Variants in EPHA5 observed in about 807,000 individuals in gnomAD.
The protein encoded by EPHA5 is EPH receptor A5.
A neutral mutation model predicts 105.0 loss-of-function variants in EPHA5; 60 were observed. That is an observed-to-expected ratio of 0.57 (90% CI 0.46 to 0.71). EPHA5 has a LOEUF of 0.71. Among genes scored for constraint, EPHA5 ranks in the 30% least tolerant of loss-of-function variants. The pLI, the probability that EPHA5 is intolerant of heterozygous loss-of-function variation, is 0.00. For synonymous variants in EPHA5, 513 were observed against 449.1 expected, an observed-to-expected ratio of 1.14 and a Z score of -1.80; for missense variants, 1,218 against 1,274.7, an observed-to-expected ratio of 0.96 and a Z score of 0.68.
At chr4:65,473,481 CAGA>C (rs1729489440) in intron 5 of EPHA5, among the ~76,000 whole-genome samples, 1 of 152,106 alleles carries the variant, frequency 6.6e-6, no homozygotes, top group African/African-American at 2.4e-5. Flanking sequence ...ACAATTTTGG[CAGA>C]AGAAGAAACA....
intron 4 of EPHA5, among the ~76,000 whole-genome samples, chr4:65,492,465 G>C (rs1388640295): frequency 6.8e-6 from 1 of 146,240 alleles, no homozygotes; most frequent in Non-Finnish European, 1.5e-5. Flanking sequence ...GCCTCCCACA[G>C]TGCTGAGATT....
chr4:65,645,471 C>A lies in EPHA5; in HGVS notation c.182-2044G>T. Among the ~76,000 whole-genome samples, 2 of 152,046 alleles carry A rather than the reference C, an allele frequency of 1.3e-5. 1 individual carries two copies. The highest frequency in any genetic ancestry group is 4.1e-4 in the South Asian group (2 of 4,824). ...CATAGGAATTCCAGGAATTCATAAC[C>A]AGCCTACCATGAGAAACACAGCATT... On this transcript the variant is annotated intron_variant, in intron 1 of 16. Transcript: ENST00000613740.
At chr4:65,473,021 A>G (rs1729441336) in intron 5 of EPHA5, among the ~76,000 whole-genome samples, 1 of 152,130 alleles carries the variant, frequency 6.6e-6, no homozygotes, top group Non-Finnish European at 1.5e-5. Context: ...ATCTCTCTCA[A>G]GTTCAAAGTT....
chr4:65,548,706 C>T (rs1737617771), intron 3 of EPHA5, among the ~76,000 whole-genome samples: 1 of 152,114 alleles, frequency 6.6e-6, no homozygotes, highest in African/African-American at 2.4e-5. Context: ...CCATATAACA[C>T]TTAGCCTTGG....
intron 2 of EPHA5, among the ~76,000 whole-genome samples, chr4:65,610,315 C>T (rs1744648348): frequency 6.6e-6 from 1 of 151,952 alleles, no homozygotes; most frequent in Non-Finnish European, 1.5e-5. Context: ...CATTTAAACA[C>T]TGAATACACA....
intron 5 of EPHA5, among the ~76,000 whole-genome samples, chr4:65,429,756 C>A (rs1380091756): frequency 2.0e-5 from 3 of 151,956 alleles, no homozygotes; most frequent in African/African-American, 7.2e-5. Flanking sequence ...TTCAGGACCA[C>A]CACATCTTCT....
chr4:65,325,531 A>C (rs1403259327), intron 16 of EPHA5, among the ~76,000 whole-genome samples: 1 of 151,390 alleles, frequency 6.6e-6, no homozygotes, highest in Non-Finnish European at 1.5e-5. Context: ...TGAATATTAA[A>C]CAGTAAGCTT....
intron 3 of EPHA5, among the ~76,000 whole-genome samples, chr4:65,586,157 A>C (rs567611457): frequency 6.6e-6 from 1 of 151,712 alleles, no homozygotes; most frequent in Non-Finnish European, 1.5e-5. Context: ...TATTAACTTG[A>C]TATCAAATGC....
chr4:65,666,896 G>A (rs930313449), intron 1 of EPHA5, among the ~76,000 whole-genome samples: 2 of 152,052 alleles, frequency 1.3e-5, no homozygotes, highest in African/African-American at 4.8e-5. Context: ...GAAATGACTA[G>A]AATAGCAGCT....
At chr4:65,396,253 A>G (rs1446953753) in intron 8 of EPHA5, among the ~76,000 whole-genome samples, 1 of 152,184 alleles carries the variant, frequency 6.6e-6, no homozygotes, top group African/African-American at 2.4e-5. Flanking sequence ...CCTGCTACCT[A>G]GATATTGATT....
rs775222410 is a variant in EPHA5, at chr4:65,513,509, C to T, written c.911-17966G>A. On this transcript the variant is annotated intron_variant, in intron 3 of 16. Coordinates refer to ENST00000613740, the MANE Select transcript of EPHA5 (RefSeq NM_001281766.3). Reference sequence around the variant, plus strand: ...TCAAGCAACTCTCCTGCCTCAGCCTCCCGAGTAGCTGAGATTATAGTCACG... The same window carrying T: ...TCAAGCAACTCTCCTGCCTCAGCCTTCCGAGTAGCTGAGATTATAGTCACG... 2.0e-5 allele frequency among the ~76,000 whole-genome samples: 3 copies of T among 152,086 alleles called. No homozygotes were observed. The East Asian group carries it at 5.8e-4, about 29-fold the overall frequency.
chr4:65,491,096 A>C (rs909749821), intron 4 of EPHA5, among the ~76,000 whole-genome samples: 20 of 152,070 alleles, frequency 1.3e-4, no homozygotes, highest in Admixed American at 4.6e-4. Flanking sequence ...TGCAACCTAC[A>C]AAGTAAACAC....
intron 5 of EPHA5, among the ~76,000 whole-genome samples, chr4:65,484,549 G>A (rs992288110): frequency 6.6e-6 from 1 of 152,068 alleles, no homozygotes; most frequent in Non-Finnish European, 1.5e-5. Context: ...ATAGCCCTCT[G>A]GAAAAAGGTT....
chr4:65,416,379 T>C (rs1723383717), intron 6 of EPHA5, among the ~76,000 whole-genome samples: 1 of 152,048 alleles, frequency 6.6e-6, no homozygotes, highest in Non-Finnish European at 1.5e-5. Flanking sequence ...TGGAAGGAGA[T>C]AGAGATAAAA....
At chr4:65,573,531 G>A in intron 3 of EPHA5, 1 of 1,598,034 alleles carries the variant, frequency 6.3e-7, no homozygotes, top group African/African-American at 1.3e-5. Flanking sequence ...TGATGCTGGT[G>A]GCAAGGTGAA....
At chr4:65,474,591 A>G (rs1170918752) in intron 5 of EPHA5, among the ~76,000 whole-genome samples, 2 of 152,164 alleles carry the variant, frequency 1.3e-5, no homozygotes, top group Non-Finnish European at 2.9e-5. Context: ...GCCACCATTC[A>G]AAGTATGTTT....
intron 8 of EPHA5, among the ~76,000 whole-genome samples, chr4:65,393,035 A>C (rs1292836836): frequency 6.6e-6 from 1 of 152,186 alleles, no homozygotes; most frequent in African/African-American, 2.4e-5. Flanking sequence ...AGGAGAGAAT[A>C]CTTTGGCTAA....
rs558231037 is a variant in EPHA5, at chr4:65,322,619, A to C, written c.*1495T>G. ...TGTATCACAAATATAAGTCTTCATC[A>C]TGTGTGGTATATAGAGCATACATAG... On this transcript the variant is annotated 3_prime_UTR_variant, in exon 17 of 17. Transcript: ENST00000613740. The C allele has an allele frequency of 1.3e-5, 3 of 224,934 alleles. No individual in the cohort carries two copies. The highest frequency in any genetic ancestry group is 6.7e-5 in the African/African-American group (3 of 44,912). 13.9% of individuals were successfully genotyped at this position (224,934 alleles called of 1,614,324 possible). A position where few individuals can be genotyped will look rare whatever the true frequency, so the allele number is the denominator to read the frequency against.
chr4:65,467,439 T>C (rs1418180691), intron 5 of EPHA5, among the ~76,000 whole-genome samples: 4 of 152,240 alleles, frequency 2.6e-5, no homozygotes, highest in African/African-American at 9.6e-5. Context: ...TGAACTGATC[T>C]TTTGACTAAT....
Sources: gnomAD v4.1 joint callset for allele counts (sites outside exome capture counted in the v4.1 genomes callset) on GRCh38, gnomAD v4.1.1 for gene constraint, MANE v1.5 for transcripts, NCBI Gene and HGNC (gene_info 2026-07-23, HGNC 2026-07-21) for gene names.